Variants in SCN8A observed in about 807,000 individuals in gnomAD.
SCN8A encodes the protein sodium voltage-gated channel alpha subunit 8.
Under a neutral mutation model 184.1 loss-of-function variants are expected in SCN8A, and 30 were observed. That is an observed-to-expected ratio of 0.16 (90% CI 0.12 to 0.22). SCN8A has a LOEUF of 0.22. Among genes scored for constraint, SCN8A ranks in the 10% least tolerant of loss-of-function variants. The probability of loss-of-function intolerance (pLI) is 1.00; values close to 1 mark genes in which losing one functional copy is unlikely to be tolerated. For missense variants in SCN8A, 1,057 were observed against 2,498.9 expected, an observed-to-expected ratio of 0.42 and a Z score of 12.30; for synonymous variants, 852 against 907.0, an observed-to-expected ratio of 0.94 and a Z score of 1.09.
Position 51,663,476 on chromosome 12 carries a change from A to C in SCN8A, c.276+383A>C, listed in dbSNP as rs1325429940. Among the ~76,000 whole-genome samples the C allele has an allele frequency of 2.6e-5, 4 of 152,210 alleles. No individual in the cohort carries two copies. The East Asian group carries it at 5.8e-4, about 22-fold the overall frequency. On this transcript the variant is annotated intron_variant, in intron 2 of 26. Transcript: ENST00000627620. ...GTTGTTACTATTGTGACATCAGTAG[A>C]GTAGTGTGGTGGAGATGGTGTATTT...
At position 51,769,231 on chromosome 12, in the gene SCN8A, C is replaced by A; in HGVS notation, c.3268C>A (p.Pro1090Thr). Residue 1090 changes from proline (P) to threonine (T), a missense_variant, in exon 17 of 27, where the codon CCC becomes ACC. Pro to Thr is a conservative substitution (Grantham distance 38). This residue lies in a region of SCN8A where 178 missense variants were observed against 259.6 expected (regional missense o/e 0.69). Coordinates refer to ENST00000627620, the MANE Select transcript of SCN8A (RefSeq NM_001330260.2). ...DEDHMSFINN[P>T]NLTVRVPIAV... ...GGACCACATGTCCTTCATCAACAAC[C>A]CCAACTTGACTGTACGGGTACCCAT... 6.2e-7 allele frequency: 1 copy of A among 1,613,972 alleles called. No individual in the cohort carries two copies. The highest frequency in any genetic ancestry group is 8.5e-7 in the Non-Finnish European group (1 of 1,179,880).
At chr12:51,624,572 C>A (rs527262755) in intron 1 of SCN8A, among the ~76,000 whole-genome samples, 1,810 of 151,970 alleles carry the variant, frequency 0.012, 36 homozygotes, top group African/African-American at 0.041. Flanking sequence ...TGCCTGTTCA[C>A]TCTGATGGTA....
intron 1 of SCN8A, among the ~76,000 whole-genome samples, chr12:51,661,064 A>G: frequency 6.6e-6 from 1 of 152,310 alleles, no homozygotes; most frequent in Non-Finnish European, 1.5e-5. Context: ...AAAGGAGGAT[A>G]AATAACTGAT....
chr12:51,727,843 GAGAGGCTGAGGC>G (rs1942179593), intron 12 of SCN8A, among the ~76,000 whole-genome samples: 1 of 152,034 alleles, frequency 6.6e-6, no homozygotes, highest in African/African-American at 2.4e-5. Context: ...TCAGCTACTC[GAGAGGCTGAGGC>G]AGGAGAATCA....
intron 1 of SCN8A, among the ~76,000 whole-genome samples, chr12:51,645,057 G>A (rs1940541912): frequency 6.7e-6 from 1 of 150,248 alleles, no homozygotes; most frequent in Non-Finnish European, 1.5e-5. Context: ...CCGGCCAGCC[G>A]CCCCGTCCGG....
chr12:51,738,147 C>T (rs192027971), intron 12 of SCN8A, among the ~76,000 whole-genome samples: 112 of 152,286 alleles, frequency 7.4e-4, no homozygotes, highest in Non-Finnish European at 1.4e-3. Context: ...TCAAACCATG[C>T]AAATTTTTTT....
At chr12:51,784,566 G>C (rs1421314811) in intron 21 of SCN8A, among the ~76,000 whole-genome samples, 1 of 152,006 alleles carries the variant, frequency 6.6e-6, no homozygotes, top group East Asian at 1.9e-4. Context: ...CTCAAAAAAA[G>C]TAAATAAAAA....
chr12:51,804,895 T>G (rs1342000841), intron 26 of SCN8A, among the ~76,000 whole-genome samples: 1 of 152,228 alleles, frequency 6.6e-6, no homozygotes, highest in Non-Finnish European at 1.5e-5. Flanking sequence ...GGTAGGGCTA[T>G]GGGAAACCAA....
At chr12:51,782,110 G>A (rs1046378999) in intron 21 of SCN8A, among the ~76,000 whole-genome samples, 10 of 152,182 alleles carry the variant, frequency 6.6e-5, no homozygotes, top group Non-Finnish European at 1.2e-4. Context: ...TCACAGTTTG[G>A]TGTACTAAAT....
At chr12:51,791,654 T>A (rs1938253994) in intron 25 of SCN8A, among the ~76,000 whole-genome samples, 1 of 152,224 alleles carries the variant, frequency 6.6e-6, no homozygotes, top group African/African-American at 2.4e-5. Context: ...GAGTGTATTT[T>A]CTTCCACATT....
At chr12:51,664,963 ATAAG>A (rs1391890376) in intron 2 of SCN8A, among the ~76,000 whole-genome samples, 1 of 152,036 alleles carries the variant, frequency 6.6e-6, no homozygotes, top group African/African-American at 2.4e-5. Context: ...GCTCCCACTT[ATAAG>A]TAAGAATGTG....
Position 51,807,060 on chromosome 12 carries a change from T to C in SCN8A, c.5574T>C (p.Asp1858=). Residue 1858 remains aspartate (D), a synonymous_variant, in exon 27 of 27, where the codon GAT becomes GAC. Transcript: ENST00000627620. The surrounding 1 kb of genome is among the most constrained non-coding windows in gnomAD (Gnocchi z 4.5). The stretch of plus-strand genomic sequence containing the variant: ...CCTTCACCAAGCGGGTCCTGGGAGA[T>C]AGCGGGGAGTTGGACATCCTGCGGC... The part of the protein sequence containing the change: ...LFAFTKRVLG[D]SGELDILRQQ... 1 of 1,613,968 alleles carries C rather than the reference T, an allele frequency of 6.2e-7. No individual in the cohort carries two copies.
At chr12:51,778,468 T>C (rs1483921371) in intron 20 of SCN8A, among the ~76,000 whole-genome samples, 5 of 152,138 alleles carry the variant, frequency 3.3e-5, no homozygotes, top group African/African-American at 1.2e-4. Flanking sequence ...TTTGTATTTT[T>C]AGTAGAGACG....
At chr12:51,777,159 C>A (rs1187423787) in intron 20 of SCN8A, among the ~76,000 whole-genome samples, 1 of 152,178 alleles carries the variant, frequency 6.6e-6, no homozygotes, top group Non-Finnish European at 1.5e-5. Flanking sequence ...TGAAAACATT[C>A]CCCGTTTGAA....
At chr12:51,695,279 G>C (rs1261810480) in intron 6 of SCN8A, among the ~76,000 whole-genome samples, 1 of 152,184 alleles carries the variant, frequency 6.6e-6, no homozygotes, top group Non-Finnish European at 1.5e-5. Context: ...CATCTTAAAA[G>C]CTAACTCACC....
intron 26 of SCN8A, among the ~76,000 whole-genome samples, chr12:51,799,037 G>GAT (rs2138927851): frequency 6.6e-6 from 1 of 152,310 alleles, no homozygotes; most frequent in South Asian, 2.1e-4. Flanking sequence ...CCTAGAAAGG[G>GAT]GCTATAGTGC....
intron 24 of SCN8A, 48 bp from the exon 25 acceptor site, chr12:51,790,350 A>G: frequency 7.4e-7 from 1 of 1,354,192 alleles, no homozygotes; most frequent in African/African-American, 1.4e-5. Context: ...AACCCATAGC[A>G]TGTTGAGAGC....
intron 1 of SCN8A, among the ~76,000 whole-genome samples, chr12:51,601,835 G>A (rs1457462058): frequency 6.7e-6 from 1 of 149,910 alleles, no homozygotes; most frequent in Non-Finnish European, 1.5e-5. Flanking sequence ...CCTTTGCCAA[G>A]GGTGGTGCTC....
chr12:51,722,245 A>C, intron 12 of SCN8A: 2 of 402,792 alleles, frequency 5.0e-6, no homozygotes, highest in Non-Finnish European at 4.5e-6. Flanking sequence ...CTTTCTCTCC[A>C]TCTTTATCTT....
Sources: gnomAD v4.1 joint callset for allele counts (sites outside exome capture counted in the v4.1 genomes callset) on GRCh38, gnomAD v4.1.1 for gene constraint, gnomAD v4.1.1 regional missense constraint, Gnocchi (gnomAD v3.1) non-coding constraint, MANE v1.5 for transcripts, NCBI Gene and HGNC (gene_info 2026-07-23, HGNC 2026-07-21) for gene names.